Variants in PARP1 observed in about 807,000 individuals in gnomAD.
The protein encoded by PARP1 is poly(ADP-ribose) polymerase 1.
PARP1 carries 44 observed loss-of-function variants against 118.7 expected under a neutral mutation model. The ratio of observed to expected loss-of-function variants is 0.37; its 90% CI spans 0.29 to 0.48. The LOEUF is 0.48. Ranked by LOEUF, PARP1 falls within the 20% of genes least tolerant of loss-of-function variation. The pLI is 0.99. For missense variants in PARP1, 1,100 were observed against 1,272.4 expected (o/e 0.86, Z 2.06); for synonymous variants, 492 against 483.2 (o/e 1.02, Z -0.24).
At chr1:226,386,854 G>C (rs562950381) in intron 5 of PARP1, among the ~76,000 whole-genome samples, 1 of 152,150 alleles carries the variant, frequency 6.6e-6, no homozygotes, top group Non-Finnish European at 1.5e-5. Context: ...GGAATGATTC[G>C]CAAACACCAA....
At chr1:226,387,591 T>C (rs1664740430) in intron 5 of PARP1, among the ~76,000 whole-genome samples, 1 of 152,064 alleles carries the variant, frequency 6.6e-6, no homozygotes, top group African/African-American at 2.4e-5. Context: ...ACACACAGCA[T>C]ACACTGGGAC....
At chr1:226,386,571 T>G (rs1482085581) in intron 5 of PARP1, 129 bp from the exon 6 acceptor site, 6 of 765,784 alleles carry the variant, frequency 7.8e-6, no homozygotes, top group Non-Finnish European at 9.6e-6. Context: ...CCTGCAAATC[T>G]GGGTGATTAG....
intron 2 of PARP1, among the ~76,000 whole-genome samples, chr1:226,398,190 C>T (rs553373680): frequency 6.6e-6 from 1 of 152,274 alleles, no homozygotes; most frequent in Non-Finnish European, 1.5e-5. Flanking sequence ...AGAACTTCTG[C>T]TCTGCGGAAG....
chr1:226,405,701 C>A (rs753937380), intron 1 of PARP1, among the ~76,000 whole-genome samples: 6 of 152,204 alleles, frequency 3.9e-5, no homozygotes, highest in Non-Finnish European at 8.8e-5. Context: ...GTTGTTCTAG[C>A]CTCAACACAG....
chr1:226,364,916 AC>A, intron 19 of PARP1, 85 bp downstream of exon 19: 1 of 1,474,078 alleles, frequency 6.8e-7, no homozygotes, highest in East Asian at 2.3e-5. Flanking sequence ...ATCCCCCTAA[AC>A]CAACTAGACC....
At chr1:226,397,153 T>TA (rs3046773) in intron 2 of PARP1, among the ~76,000 whole-genome samples, 50,214 of 125,746 alleles carry the variant, frequency 0.4, 9,917 homozygotes, top group Non-Finnish European at 0.44. Flanking sequence ...GTCTCTATCT[T>TA]AAAAAAAAAA....
chr1:226,363,331 G>GA (rs992301604), intron 20 of PARP1, among the ~76,000 whole-genome samples, 171 bp from the exon 21 acceptor site: 3 of 152,204 alleles, frequency 2.0e-5, no homozygotes, highest in African/African-American at 7.2e-5. Context: ...TCCAGAACCT[G>GA]AAACTGCAGT....
At chr1:226,384,911 G>A (rs1418653973) in intron 7 of PARP1, among the ~76,000 whole-genome samples, 2 of 152,206 alleles carry the variant, frequency 1.3e-5, no homozygotes, top group Non-Finnish European at 2.9e-5. Flanking sequence ...AGGCTGCTGG[G>A]CCTGGGTCCT....
intron 2 of PARP1, among the ~76,000 whole-genome samples, chr1:226,400,182 C>G (rs904334041): frequency 1.3e-5 from 2 of 151,912 alleles, no homozygotes; most frequent in South Asian, 4.2e-4. Flanking sequence ...TGGCAGGCAC[C>G]ACGCTACTCG....
intron 5 of PARP1, among the ~76,000 whole-genome samples, chr1:226,387,181 C>A (rs1476730570): frequency 6.6e-6 from 1 of 152,154 alleles, no homozygotes; most frequent in Non-Finnish European, 1.5e-5. Context: ...CGGTGTTTCA[C>A]CATGTTGGCC....
At chr1:226,367,313 G>C in intron 17 of PARP1, 167 bp downstream of exon 17, 3 of 809,860 alleles carry the variant, frequency 3.7e-6, no homozygotes, top group Non-Finnish European at 6.2e-6. Context: ...GTTCTCAAAG[G>C]ACCACCAGCA....
intron 2 of PARP1, among the ~76,000 whole-genome samples, chr1:226,399,997 C>T (rs1478041021): frequency 2.6e-5 from 4 of 152,134 alleles, no homozygotes; most frequent in South Asian, 2.1e-4. Context: ...AGCGAGAATC[C>T]GTCTCCAACA....
chr1:226,367,244 C>CT, intron 17 of PARP1: 2 of 559,508 alleles, frequency 3.6e-6, no homozygotes, highest in East Asian at 6.2e-5. Context: ...AGCTGAGGTG[C>CT]TGGCTTGGAA....
intron 17 of PARP1, chr1:226,366,359 G>A (rs937151723): frequency 8.0e-6 from 3 of 374,006 alleles, no homozygotes; most frequent in Non-Finnish European, 1.5e-5. Context: ...AGTGAACAGG[G>A]CATCTCCAGA....
chr1:226,378,406 TAAAA>T (rs555462858), intron 12 of PARP1, among the ~76,000 whole-genome samples: 1 of 144,140 alleles, frequency 6.9e-6, no homozygotes, highest in Non-Finnish European at 1.5e-5. Flanking sequence ...CTCACCATGT[TAAAA>T]AAAAAAAAAG....
At chr1:226,380,272 A>G in intron 9 of PARP1, 108 bp from the exon 10 acceptor site, 1 of 1,096,334 alleles carries the variant, frequency 9.1e-7, no homozygotes, top group Non-Finnish European at 1.4e-6. Flanking sequence ...CTCAGCATTC[A>G]CAGCTCTCCT....
rs770967289 is a variant in PARP1 at position 226,379,916 on chromosome 1, C to T, written c.1543+6G>A. 5 of 1,613,178 alleles carry T rather than the reference C, an allele frequency of 3.1e-6. No homozygotes were observed. In the East Asian group the frequency reaches 1.1e-4, roughly 36 times the overall value. ...GGCCCTGGAGGGGGCAGCTTGGGGC[C>T]CTCACCTTCCTCCTTGACCTGGCCC... On this transcript the variant is annotated splice_donor_region_variant and intron_variant, in intron 10 of 22. Coordinates refer to ENST00000366794, the MANE Select transcript of PARP1 (RefSeq NM_001618.4).
chr1:226,362,075 T>C lies in PARP1; in HGVS notation c.2857A>G (p.Lys953Glu), dbSNP rs1350640673. 6.2e-7 allele frequency: 1 copy of C among 1,607,770 alleles called. No homozygotes were observed. Among genetic ancestry groups the C allele is most frequent in the Admixed American group, 1.7e-5 (1 of 60,014 alleles). ...KGKHSVKGLGKTTPDPSANIS... is the reference protein window; with the variant it reads ...KGKHSVKGLGETTPDPSANIS... ...TTAGCTGAAGGATCAGGGGTAGTTT[T>C]GCCCAAACCTGAAAAACAGAAGTCA... Residue 953 changes from lysine to glutamate, a missense_variant, in exon 22 of 23, where the codon AAA (lysine) becomes GAA (glutamate). By Grantham distance (56) the Lys-to-Glu change is moderately conservative. Transcript: ENST00000366794.
rs1420978981 is a variant in PARP1, at chr1:226,388,674, C to T, written c.699G>A (p.Lys233=). Residue 233 remains lysine (K), a synonymous_variant, in exon 5 of 23, where the codon AAG becomes AAA. Transcript: ENST00000366794. ...KSKKEKDKDS[K]LEKALKAQND... ...AACTCACCTTTAGGGCTTTTTCAAG[C>T]TTACTATCCTTGTCTTTTTCTTTTT... 6.2e-7 allele frequency: 1 copy of T among 1,612,944 alleles called. No homozygotes were observed. The highest frequency in any genetic ancestry group is 1.1e-5 in the South Asian group (1 of 91,056).
Sources: allele counts gnomAD v4.1 joint callset (sites outside exome capture counted in the v4.1 genomes callset), GRCh38; gene constraint gnomAD v4.1.1; transcripts MANE v1.5; gene names NCBI Gene and HGNC (gene_info 2026-07-23, HGNC 2026-07-21).